RBMS2: variants seen among roughly 807,000 people sequenced by gnomAD.
The protein encoded by RBMS2 is RNA-binding motif, single-stranded-interacting protein 2.
A neutral mutation model predicts 58.4 loss-of-function variants in RBMS2; 38 were observed. The ratio of observed to expected loss-of-function variants is 0.65; its 90% CI spans 0.50 to 0.85. RBMS2 has a LOEUF of 0.85. Among genes scored for constraint, RBMS2 ranks in the 40% least tolerant of loss-of-function variants. The pLI, the probability that RBMS2 is intolerant of heterozygous loss-of-function variation, is 0.00. For synonymous variants in RBMS2, 151 were observed against 180.7 expected (o/e 0.84, Z 1.32); for missense variants, 367 against 503.7 (o/e 0.73, Z 2.60).
intron 2 of RBMS2, among the ~76,000 whole-genome samples, chr12:56,563,955 A>G (rs916642568): frequency 6.6e-6 from 1 of 152,128 alleles, no homozygotes; most frequent in African/African-American, 2.4e-5. Context: ...TCATACTAAT[A>G]TAGGTCCTTG....
chr12:56,583,654 C>CA (rs11355412), intron 9 of RBMS2, among the ~76,000 whole-genome samples: 6 of 146,724 alleles, frequency 4.1e-5, no homozygotes, highest in Middle Eastern at 3.2e-3. Flanking sequence ...AACTCTGTCT[C>CA]AAAAAAAAAA....
chr12:56,570,080 C>A, intron 4 of RBMS2, 90 bp downstream of exon 4: 1 of 1,234,384 alleles, frequency 8.1e-7, no homozygotes, highest in South Asian at 1.3e-5. Flanking sequence ...GCTTAAGAAC[C>A]ATGAAATTGA....
At chr12:56,585,608 A>C (rs1884571330) in intron 9 of RBMS2, among the ~76,000 whole-genome samples, 1 of 152,252 alleles carries the variant, frequency 6.6e-6, no homozygotes, top group African/African-American at 2.4e-5. Flanking sequence ...TTATATGGCT[A>C]TACCACATTT....
chr12:56,524,404 T>C (rs1283566931), intron 1 of RBMS2, among the ~76,000 whole-genome samples: 2 of 147,282 alleles, frequency 1.4e-5, no homozygotes, highest in Non-Finnish European at 3.0e-5. Flanking sequence ...GTGGAGGGTT[T>C]TCATATTTTT....
At chr12:56,535,535 T>C (rs565588023) in intron 1 of RBMS2, among the ~76,000 whole-genome samples, 1 of 151,946 alleles carries the variant, frequency 6.6e-6, no homozygotes, top group East Asian at 1.9e-4. Context: ...GTCTCATAGC[T>C]TTGAATAGCA....
In RBMS2 at chr12:56,595,916, C is replaced by CA. The variant is rs1285926337; in HGVS notation, c.*6784dup. The CA allele has an allele frequency of 9.8e-5, 6 of 61,350 alleles. No homozygotes were observed. Among genetic ancestry groups the CA allele is most frequent in the African/African-American group, 3.0e-4 (6 of 19,678 alleles). 3.8% of individuals were successfully genotyped at this position (61,350 alleles called of 1,614,324 possible). A position where few individuals can be genotyped will look rare whatever the true frequency, so the allele number is the denominator to read the frequency against. ...GTGTGTAGAAGGGAAGATGAATACA[C>CA]AGAGTCTTTTGAATCTCTATCAAAT... On this transcript the variant is annotated 3_prime_UTR_variant, in exon 14 of 14. Coordinates refer to ENST00000262031, the MANE Select transcript of RBMS2 (RefSeq NM_002898.4).
intron 9 of RBMS2, among the ~76,000 whole-genome samples, chr12:56,583,876 A>G (rs891251162): frequency 2.0e-5 from 3 of 152,142 alleles, no homozygotes; most frequent in Middle Eastern, 3.2e-3. Flanking sequence ...TTAATCTTCT[A>G]AATGTTATCT....
intron 2 of RBMS2, among the ~76,000 whole-genome samples, chr12:56,565,350 C>T (rs1286388582): frequency 6.6e-6 from 1 of 152,018 alleles, no homozygotes; most frequent in East Asian, 1.9e-4. Flanking sequence ...AAGCATAGTA[C>T]CCAACAGTTA....
intron 1 of RBMS2, among the ~76,000 whole-genome samples, chr12:56,539,158 C>T (rs562179078): frequency 1.3e-5 from 2 of 151,822 alleles, no homozygotes; most frequent in African/African-American, 4.8e-5. Context: ...TGGGATTACA[C>T]GTGCACACCA....
At position 56,568,999 on chromosome 12, in the gene RBMS2, G is replaced by A. The variant is rs1200493137; in HGVS notation, c.258G>A (p.Lys86=). 1.2e-6 allele frequency: 2 copies of A among 1,613,118 alleles called. No homozygotes were observed. The highest frequency in any genetic ancestry group is 1.6e-4 in the Middle Eastern group (1 of 6,062). The change falls in exon 3 of 14, where the codon AAG becomes AAA. Residue 86 remains lysine, a synonymous_variant. Transcript: ENST00000262031. The part of the protein sequence containing the change: ...CQPYGKIVST[K]AILDKTTNKC... ...GATATGGCAAGATTGTTTCCACTAA[G>A]GCCATACTGGACAAGACCACAAACA...
intron 4 of RBMS2, among the ~76,000 whole-genome samples, chr12:56,571,431 C>G (rs1193813415): frequency 6.6e-6 from 1 of 152,166 alleles, no homozygotes; most frequent in Non-Finnish European, 1.5e-5. Context: ...TGCTGCTCTG[C>G]CTGTTTCTAA....
intron 3 of RBMS2, 78 bp from the exon 4 acceptor site, chr12:56,569,821 C>A: frequency 8.2e-7 from 1 of 1,217,310 alleles, no homozygotes; most frequent in South Asian, 1.2e-5. Flanking sequence ...ATAACTCTTC[C>A]TCTGTCTCCT....
rs1885689639 is a variant in RBMS2, at chr12:56,595,512, T to C, written c.*6379T>C. On this transcript the variant is annotated 3_prime_UTR_variant, in exon 14 of 14. Transcript: ENST00000262031. Reference sequence around the variant, plus strand: ...ACTTACACTCCTTTTCTACCCCTGGTCTTTTCCTTGTCCTTCCCTACAACT... The same window carrying C: ...ACTTACACTCCTTTTCTACCCCTGGCCTTTTCCTTGTCCTTCCCTACAACT... 6.6e-6 allele frequency: 1 copy of C among 152,162 alleles called. No homozygotes were observed. The highest frequency in any genetic ancestry group is 1.5e-5 in the Non-Finnish European group (1 of 68,032). The allele number at this position is 152,162 out of a possible 1,614,324, so 9.4% of individuals were successfully genotyped here. A position where few individuals can be genotyped will look rare whatever the true frequency, so the allele number is the denominator to read the frequency against.
At chr12:56,556,878 A>G (rs1055463061) in intron 1 of RBMS2, among the ~76,000 whole-genome samples, 6 of 152,188 alleles carry the variant, frequency 3.9e-5, no homozygotes, top group Non-Finnish European at 8.8e-5. Context: ...GATATTATTT[A>G]TTCATCAATA....
chr12:56,565,072 G>C (rs1881105331), intron 2 of RBMS2, among the ~76,000 whole-genome samples: 1 of 152,010 alleles, frequency 6.6e-6, no homozygotes, highest in Admixed American at 6.6e-5. Context: ...CTATGCACAT[G>C]CTCCTATATA....
In RBMS2 at chr12:56,559,647, C is replaced by T. The variant is rs186572263; in HGVS notation, c.67-2770C>T. Among the ~76,000 whole-genome samples, 1,272 of 149,190 alleles carry T rather than the reference C, an allele frequency of 8.5e-3. 15 individuals carry two copies. Among genetic ancestry groups the T allele is most frequent in the African/African-American group, 0.028 (1,144 of 40,726 alleles). On this transcript the variant is annotated intron_variant, in intron 1 of 13. Transcript: ENST00000262031. ...CGGGCGGATCACGAGGTCAGGAGAT[C>T]GAGACCATTCTGGCTAACACGGTGA...
In RBMS2 at chr12:56,595,010, C is replaced by T. The variant is rs767962819; in HGVS notation, c.*5877C>T. ...CTGGGATTTTTAGCTCACTGATCGC[C>T]CTAGAATAGTGTGAACTCTCCAGAT... On this transcript the variant is annotated 3_prime_UTR_variant, in exon 14 of 14. Coordinates refer to ENST00000262031, the MANE Select transcript of RBMS2 (RefSeq NM_002898.4). 3 of 152,090 alleles carry T rather than the reference C, an allele frequency of 2.0e-5. No homozygotes were observed. The highest frequency in any genetic ancestry group is 2.9e-5 in the Non-Finnish European group (2 of 68,042). The allele number at this position is 152,090 out of a possible 1,614,324, so 9.4% of individuals were successfully genotyped here. A position where few individuals can be genotyped will look rare whatever the true frequency, so the allele number is the denominator to read the frequency against.
chr12:56,576,307 A>G (rs556984150), intron 5 of RBMS2, among the ~76,000 whole-genome samples: 2 of 152,326 alleles, frequency 1.3e-5, no homozygotes, highest in Admixed American at 1.3e-4. Context: ...ACTGCACTCT[A>G]ACATGAGTGA....
chr12:56,521,977 TTCTC>T lies in RBMS2; in HGVS notation c.-30_-27del, dbSNP rs141771200. 1,419 of 668,492 alleles carry T rather than the reference TTCTC, an allele frequency of 2.1e-3. No homozygotes were observed. Among genetic ancestry groups the T allele is most frequent in the Middle Eastern group, 6.0e-3 (16 of 2,686 alleles). The allele number at this position is 668,492 out of a possible 1,614,324, so 41.4% of individuals were successfully genotyped here. A position where few individuals can be genotyped will look rare whatever the true frequency, so the allele number is the denominator to read the frequency against. ...TCCCCGTCTTTCTTACCCCCTCCCTTTCTCTCTCTCTCTCTCTCTCGCTCGTTCC... is the reference window on the plus strand; with the variant it reads ...TCCCCGTCTTTCTTACCCCCTCCCTTTCTCTCTCTCTCTCTCGCTCGTTCC... On this transcript the variant is annotated 5_prime_UTR_variant, in exon 1 of 14. Coordinates refer to ENST00000262031, the MANE Select transcript of RBMS2 (RefSeq NM_002898.4).
Sources: allele counts gnomAD v4.1 joint callset (sites outside exome capture counted in the v4.1 genomes callset), GRCh38; gene constraint gnomAD v4.1.1; transcripts MANE v1.5; gene names NCBI Gene and HGNC (gene_info 2026-07-23, HGNC 2026-07-21).